IGSF5: variants seen among roughly 807,000 people sequenced by gnomAD.
IGSF5 encodes the protein immunoglobulin superfamily 5 like.
IGSF5 carries 41 observed loss-of-function variants against 39.4 expected under a neutral mutation model. The ratio of observed to expected loss-of-function variants is 1.04; its 90% CI spans 0.81 to 1.35. IGSF5 has a LOEUF of 1.35. IGSF5 is among the 40% of genes most tolerant of loss of function. The probability of loss-of-function intolerance (pLI) is 0.00; values close to 1 mark genes in which losing one functional copy is unlikely to be tolerated. For synonymous variants in IGSF5, 183 were observed against 175.3 expected (o/e 1.04, Z -0.34); for missense variants, 487 against 494.6 (o/e 0.98, Z 0.15).
the IGSF5 span, among the ~76,000 whole-genome samples, chr21:39,723,761 ATCT>A: frequency 6.6e-6 from 1 of 152,234 alleles, no homozygotes. Context: ...AAGTTCACAC[ATCT>A]TCTTTGTAAA....
intron 3 of IGSF5, among the ~76,000 whole-genome samples, chr21:39,770,054 C>T (rs2080106327): frequency 1.1e-3 from 1 of 906 alleles, no homozygotes; most frequent in African/African-American, 4.9e-3. Flanking sequence ...AGATTGGGAA[C>T]AAATTTTTTC....
At chr21:39,779,352 G>C (rs760552980) in intron 5 of IGSF5, 47 bp downstream of exon 5, 2 of 1,588,474 alleles carry the variant, frequency 1.3e-6, no homozygotes, top group Non-Finnish European at 1.7e-6. Flanking sequence ...TGAACTTTTG[G>C]TACAAGCAGT....
At chr21:39,738,137 T>A in the IGSF5 span, among the ~76,000 whole-genome samples, 6 of 152,110 alleles carry the variant, frequency 3.9e-5, no homozygotes, top group East Asian at 1.2e-3. The surrounding 1 kb of genome is among the most constrained non-coding windows in gnomAD (Gnocchi z 6.4). Context: ...ATGCTGCTGA[T>A]AAGGACATAC....
At chr21:39,763,429 G>A (rs2080070508) in intron 2 of IGSF5, among the ~76,000 whole-genome samples, 2 of 152,134 alleles carry the variant, frequency 1.3e-5, no homozygotes, top group African/African-American at 2.4e-5. Context: ...TTTCCATTTG[G>A]TGTAGCTCCC....
At chr21:39,736,041 C>A in the IGSF5 span, among the ~76,000 whole-genome samples, 1 of 108,898 alleles carries the variant, frequency 9.2e-6, no homozygotes, top group South Asian at 5.0e-4. Context: ...TCTAAGACCA[C>A]CCCTCACTCT....
At chr21:39,743,781 T>A (rs147572787), upstream of IGSF5, among the ~76,000 whole-genome samples, 1 of 152,124 alleles carries the variant, frequency 6.6e-6, no homozygotes, top group Non-Finnish European at 1.5e-5. Flanking sequence ...ACAAAAGAGG[T>A]CTAGCTGTAA....
At chr21:39,791,593 G>C (rs1165616621) in intron 6 of IGSF5, 1 of 157,088 alleles carries the variant, frequency 6.4e-6, no homozygotes, top group Non-Finnish European at 1.4e-5. Context: ...GTTATAACAT[G>C]AGTATGGCTA....
chr21:39,798,256 A>G (rs1447148934), intron 8 of IGSF5, among the ~76,000 whole-genome samples: 1 of 152,186 alleles, frequency 6.6e-6, no homozygotes, highest in African/African-American at 2.4e-5. Context: ...CAGGTCCCCA[A>G]GCACCAATCT....
At chr21:39,742,789 T>A (rs1022664243), upstream of IGSF5, among the ~76,000 whole-genome samples, 1 of 152,138 alleles carries the variant, frequency 6.6e-6, no homozygotes, top group African/African-American at 2.4e-5. Context: ...GCCTTTTTTT[T>A]ATCCTGTTTG....
intron 4 of IGSF5, among the ~76,000 whole-genome samples, chr21:39,774,834 G>A (rs999577442): frequency 6.6e-6 from 1 of 152,366 alleles, no homozygotes; most frequent in South Asian, 2.1e-4. Flanking sequence ...TTTGGGTGCA[G>A]AGAAGAGTAG....
At chr21:39,721,432 G>T in the IGSF5 span, among the ~76,000 whole-genome samples, 1 of 152,154 alleles carries the variant, frequency 6.6e-6, no homozygotes, top group Admixed American at 6.5e-5. Flanking sequence ...CTGGAACTCG[G>T]CACCAGTGCA....
chr21:39,761,074 C>T (rs1256015672), intron 2 of IGSF5, among the ~76,000 whole-genome samples: 2 of 152,088 alleles, frequency 1.3e-5, no homozygotes, highest in East Asian at 1.9e-4. Flanking sequence ...ACCAATGGAA[C>T]AGAATAGAGA....
At chr21:39,744,983 G>A (rs116400129), upstream of IGSF5, among the ~76,000 whole-genome samples, 1 of 152,150 alleles carries the variant, frequency 6.6e-6, no homozygotes, top group Non-Finnish European at 1.5e-5. Flanking sequence ...AGTGTTATAG[G>A]TTCATAGAGA....
chr21:39,742,305 C>T (rs2079951814), upstream of IGSF5, among the ~76,000 whole-genome samples: 1 of 152,196 alleles, frequency 6.6e-6, no homozygotes. Context: ...CCAGTCACAA[C>T]TTAGTGGCTG....
chr21:39,731,869 T>G, the IGSF5 span, among the ~76,000 whole-genome samples: 1 of 152,210 alleles, frequency 6.6e-6, no homozygotes, highest in Admixed American at 6.5e-5. Context: ...GGCATGAAAT[T>G]TGTAATAGTT....
intron 3 of IGSF5, among the ~76,000 whole-genome samples, 163 bp from the exon 4 acceptor site, chr21:39,770,753 T>G (rs1156566383): frequency 1.3e-5 from 2 of 151,608 alleles, no homozygotes; most frequent in African/African-American, 4.9e-5. Context: ...AAATCTGAGT[T>G]AAGATTTCCT....
intron 4 of IGSF5, 142 bp downstream of exon 4, chr21:39,771,357 T>C: frequency 1.6e-6 from 1 of 621,268 alleles, no homozygotes; most frequent in Non-Finnish European, 2.5e-6. Flanking sequence ...GCCAATCACA[T>C]CTGCTGTCAG....
chr21:39,778,599 C>T (rs941858586), intron 4 of IGSF5, among the ~76,000 whole-genome samples: 3 of 152,210 alleles, frequency 2.0e-5, no homozygotes, highest in African/African-American at 7.2e-5. Context: ...AGCCATGCAC[C>T]TAAGTTCCTT....
chr21:39,766,201 C>A (rs1037210097), intron 3 of IGSF5, among the ~76,000 whole-genome samples: 2 of 151,884 alleles, frequency 1.3e-5, no homozygotes, highest in Non-Finnish European at 2.9e-5. Flanking sequence ...TCCCTTTTTC[C>A]TGCTTCATTC....
Sources: allele counts gnomAD v4.1 joint callset (sites outside exome capture counted in the v4.1 genomes callset), GRCh38; gene constraint gnomAD v4.1.1; non-coding constraint Gnocchi (gnomAD v3.1); transcripts MANE v1.5; gene names NCBI Gene and HGNC (gene_info 2026-07-23, HGNC 2026-07-21).